Variants in CPLX2 observed in about 807,000 individuals in gnomAD.
CPLX2 encodes the protein complexin 2.
A neutral mutation model predicts 16.3 loss-of-function variants in CPLX2; 5 were observed. The ratio of observed to expected loss-of-function variants is 0.31; its 90% CI spans 0.16 to 0.64. The LOEUF (loss-of-function observed/expected upper bound fraction) is 0.64. CPLX2 is among the 30% of genes least tolerant of loss of function. The probability of loss-of-function intolerance (pLI) is 0.79; values close to 1 mark genes in which losing one functional copy is unlikely to be tolerated. For synonymous variants in CPLX2, 89 were observed against 73.2 expected, an observed-to-expected ratio of 1.22 and a Z score of -1.10; for missense variants, 144 against 181.4, an observed-to-expected ratio of 0.79 and a Z score of 1.18.
At position 175,872,393 on chromosome 5, in the gene CPLX2, T is replaced by C. The variant is rs1480734371; in HGVS notation, c.-89+688T>C. Among the ~76,000 whole-genome samples the C allele has an allele frequency of 6.6e-6, 1 of 152,130 alleles. No individual in the cohort carries two copies. The highest frequency in any genetic ancestry group is 1.5e-5 in the Non-Finnish European group (1 of 68,024). ...TTCTGTGCTCTCGTTCTCGTCGGCCTCAATCTGCCCCCTTCCCCAGCAAAG... is the reference window on the plus strand; with the variant it reads ...TTCTGTGCTCTCGTTCTCGTCGGCCCCAATCTGCCCCCTTCCCCAGCAAAG... On this transcript the variant is annotated intron_variant, in intron 1 of 3. Transcript: ENST00000393745. This position sits in a 1 kb window ranked among gnomAD's most constrained non-coding sequence, Gnocchi z 5.0.
upstream of CPLX2, among the ~76,000 whole-genome samples, chr5:175,869,610 A>C (rs1021078414): frequency 6.6e-6 from 1 of 152,196 alleles, no homozygotes; most frequent in African/African-American, 2.4e-5. Flanking sequence ...CACGTTACTA[A>C]GCGGGGGAAT....
At chr5:175,863,968 G>A (rs959511298) in intron 2 of CPLX2, among the ~76,000 whole-genome samples, 1 of 152,170 alleles carries the variant, frequency 6.6e-6, no homozygotes, top group African/African-American at 2.4e-5. Flanking sequence ...ATACATGCAG[G>A]AAGATTATGA....
chr5:175,873,427 T>C (rs564008771), intron 1 of CPLX2, among the ~76,000 whole-genome samples: 15 of 151,986 alleles, frequency 9.9e-5, no homozygotes, highest in Non-Finnish European at 1.9e-4. Context: ...CCAGGACATG[T>C]AGCCAATTCT....
intron 2 of CPLX2, among the ~76,000 whole-genome samples, chr5:175,814,893 C>T (rs991546683): frequency 6.6e-6 from 1 of 152,156 alleles, no homozygotes; most frequent in Non-Finnish European, 1.5e-5. Flanking sequence ...GCTGGCTTGG[C>T]GTGGGTCCCG....
intron 2 of CPLX2, among the ~76,000 whole-genome samples, chr5:175,831,255 G>A (rs916513019): frequency 1.3e-5 from 2 of 152,144 alleles, no homozygotes; most frequent in East Asian, 1.9e-4. Context: ...AAGAGCATTC[G>A]CTCTCTCCAG....
At chr5:175,820,920 C>T (rs989143087) in intron 2 of CPLX2, among the ~76,000 whole-genome samples, 1 of 152,186 alleles carries the variant, frequency 6.6e-6, no homozygotes, top group Non-Finnish European at 1.5e-5. Flanking sequence ...GACAGGCAGT[C>T]GGCCGCTCGG....
intron 2 of CPLX2, among the ~76,000 whole-genome samples, chr5:175,834,073 A>G (rs6887241): frequency 0.67 from 101,221 of 152,114 alleles, 35,195 homozygotes; most frequent in African/African-American, 0.85. Context: ...GCATCTTGGC[A>G]TGTAACTGAG....
intron 2 of CPLX2, among the ~76,000 whole-genome samples, chr5:175,810,303 GA>G (rs1758289146): frequency 6.6e-6 from 1 of 152,218 alleles, no homozygotes; most frequent in Non-Finnish European, 1.5e-5. Context: ...GTCACACAGA[GA>G]GTCGGGGACA....
chr5:175,846,856 A>G (rs1004903902), intron 2 of CPLX2, among the ~76,000 whole-genome samples: 19 of 152,310 alleles, frequency 1.2e-4, no homozygotes, highest in Non-Finnish European at 2.4e-4. Flanking sequence ...CTGGAAGTCA[A>G]AGCAGCAAGG....
chr5:175,858,487 T>C (rs1201544677), intron 2 of CPLX2, among the ~76,000 whole-genome samples: 2 of 152,160 alleles, frequency 1.3e-5, no homozygotes, highest in African/African-American at 4.8e-5. Context: ...CATCAAGGCA[T>C]GGGCAGCGTG....
rs146144085 is a variant in CPLX2 at position 175,857,833 on chromosome 5, A to G, written c.-88-20819A>G. ...CCCTCCTCTGCCTTATTCACCCAGT[A>G]TTCCAGCTCAGAGACATGCCTGGCC... On this transcript the variant is annotated intron_variant, in intron 2 of 4. Transcript: ENST00000359546. Among the ~76,000 whole-genome samples the G allele has an allele frequency of 7.6e-4, 116 of 152,308 alleles. 4 individuals carry two copies. In the East Asian group the frequency reaches 0.018, roughly 23 times the overall value.
chr5:175,864,771 A>C (rs764510752), intron 2 of CPLX2, among the ~76,000 whole-genome samples: 5 of 152,188 alleles, frequency 3.3e-5, no homozygotes, highest in Non-Finnish European at 5.9e-5. Context: ...CATATGGCTT[A>C]AAGGGTTGAC....
chr5:175,880,260 A>G lies in CPLX2; in HGVS notation c.*215A>G. The G allele has an allele frequency of 3.0e-6, 2 of 661,540 alleles. No individual in the cohort carries two copies. The highest frequency in any genetic ancestry group is 2.8e-6 in the Non-Finnish European group (1 of 360,196). 41.0% of individuals were successfully genotyped at this position (661,540 alleles called of 1,614,324 possible). On this transcript the variant is annotated 3_prime_UTR_variant, in exon 4 of 4. Coordinates refer to ENST00000393745, the MANE Select transcript of CPLX2 (RefSeq NM_001008220.2). The stretch of plus-strand genomic sequence containing the variant: ...ACCCCACTCCCAAGTAGCTTGAAAA[A>G]GGGAGGACAGTCTTTCCCCAGCAGG...
intron 1 of CPLX2, among the ~76,000 whole-genome samples, chr5:175,800,580 A>T (rs1758074128): frequency 6.6e-6 from 1 of 152,126 alleles, no homozygotes; most frequent in Non-Finnish European, 1.5e-5. Context: ...TTGTGAAATT[A>T]TCCCAGCTAT....
intron 2 of CPLX2, among the ~76,000 whole-genome samples, chr5:175,815,828 CGTTT>C (rs1265139405): frequency 6.6e-6 from 1 of 152,134 alleles, no homozygotes; most frequent in Non-Finnish European, 1.5e-5. Flanking sequence ...CACACAAGTT[CGTTT>C]GTTTTTGTCT....
At chr5:175,803,908 G>T (rs1042997157) in intron 1 of CPLX2, among the ~76,000 whole-genome samples, 2 of 152,198 alleles carry the variant, frequency 1.3e-5, no homozygotes, top group African/African-American at 4.8e-5. Context: ...GCTGGCAGCC[G>T]TGTGGGCGCT....
chr5:175,825,845 T>C (rs1216783313), intron 2 of CPLX2, among the ~76,000 whole-genome samples: 2 of 148,988 alleles, frequency 1.3e-5, no homozygotes, highest in African/African-American at 5.0e-5. Flanking sequence ...GTGACCCTGC[T>C]GGACTTGCCA....
Position 175,809,014 on chromosome 5 carries a change from C to G in CPLX2, c.-143C>G, listed in dbSNP as rs1477291255. The G allele has an allele frequency of 2.0e-5, 3 of 152,496 alleles. No individual in the cohort carries two copies. Among genetic ancestry groups the G allele is most frequent in the Non-Finnish European group, 4.4e-5 (3 of 68,232 alleles). 9.4% of individuals were successfully genotyped at this position (152,496 alleles called of 1,614,324 possible). On this transcript the variant is annotated 5_prime_UTR_variant, in exon 2 of 5. Coordinates refer to the CPLX2 transcript ENST00000359546. This position sits in a 1 kb window ranked among gnomAD's most constrained non-coding sequence, Gnocchi z 4.4. Reference sequence around the variant, plus strand: ...GAAGGTGTGGTCCCTGCCATGCTATCTGCTCTGCTCAGCGACTGAAGGTGC... The same window carrying G: ...GAAGGTGTGGTCCCTGCCATGCTATGTGCTCTGCTCAGCGACTGAAGGTGC...
At chr5:175,797,186 G>T (rs1490731249) in intron 1 of CPLX2, among the ~76,000 whole-genome samples, 1 of 152,200 alleles carries the variant, frequency 6.6e-6, no homozygotes, top group East Asian at 1.9e-4. Context: ...GCGGCACCGC[G>T]AACCGCGAAC....
Sources: allele counts gnomAD v4.1 joint callset (sites outside exome capture counted in the v4.1 genomes callset), GRCh38; gene constraint gnomAD v4.1.1; non-coding constraint Gnocchi (gnomAD v3.1); transcripts MANE v1.5; gene names NCBI Gene and HGNC (gene_info 2026-07-23, HGNC 2026-07-21).